Variants in SUMO3 observed in about 807,000 individuals in gnomAD.
SUMO3 encodes the protein small ubiquitin like modifier 3, also known as small ubiquitin-related modifier 3.
SUMO3 carries 2 observed loss-of-function variants against 11.1 expected under a neutral mutation model. The ratio of observed to expected loss-of-function variants is 0.18; its 90% CI spans 0.07 to 0.57. The LOEUF (loss-of-function observed/expected upper bound fraction) is 0.57, where lower values mean the gene tolerates loss of function less well. Among genes scored for constraint, SUMO3 ranks in the 20% least tolerant of loss-of-function variants. SUMO3 has a pLI of 0.92. For missense variants in SUMO3, 70 were observed against 132.8 expected (o/e 0.53, Z 2.32); for synonymous variants, 56 against 53.5 (o/e 1.05, Z -0.20).
intron 2 of SUMO3, among the ~76,000 whole-genome samples, chr21:44,813,302 G>A (rs2083223215): frequency 6.6e-6 from 1 of 152,176 alleles, no homozygotes; most frequent in Admixed American, 6.5e-5. Context: ...GGCAGCAGCT[G>A]GTGGGCAAAG....
At chr21:44,812,058 T>C (rs1419101612) in intron 2 of SUMO3, among the ~76,000 whole-genome samples, 1 of 123,030 alleles carries the variant, frequency 8.1e-6, no homozygotes, top group East Asian at 2.2e-4. Flanking sequence ...CTCACCTTTT[T>C]TTTTTTTTTT....
At chr21:44,816,873 A>G (rs1339606770) in intron 1 of SUMO3, among the ~76,000 whole-genome samples, 2 of 16,202 alleles carry the variant, frequency 1.2e-4, no homozygotes, top group African/African-American at 2.4e-4. Context: ...CGTGATAGGG[A>G]GGGGTGGGCA....
At chr21:44,809,368 C>T (rs973080403) in intron 2 of SUMO3, among the ~76,000 whole-genome samples, 5 of 152,230 alleles carry the variant, frequency 3.3e-5, no homozygotes, top group Non-Finnish European at 7.3e-5. Flanking sequence ...GTGCCTGACA[C>T]CACTGCTTTC....
chr21:44,809,235 TC>T (rs2083196225), intron 2 of SUMO3, 117 bp from the exon 3 acceptor site: 3 of 957,958 alleles, frequency 3.1e-6, no homozygotes, highest in Non-Finnish European at 4.9e-6. Context: ...ATTAAACATT[TC>T]CAGATACGGC....
intron 2 of SUMO3, among the ~76,000 whole-genome samples, chr21:44,809,647 C>T (rs1167415229): frequency 2.0e-5 from 3 of 152,206 alleles, no homozygotes; most frequent in South Asian, 2.1e-4. Flanking sequence ...GGTGAGGAAG[C>T]GTAACACGTC....
In SUMO3 at chr21:44,806,697, A is replaced by C; in HGVS notation, c.*254T>G. The C allele has an allele frequency of 1.1e-6, 1 of 902,442 alleles. No homozygotes were observed. Among genetic ancestry groups the C allele is most frequent in the Non-Finnish European group, 1.5e-6 (1 of 645,754 alleles). 55.9% of individuals were successfully genotyped at this position (902,442 alleles called of 1,614,324 possible). A position where few individuals can be genotyped will look rare whatever the true frequency, so the allele number is the denominator to read the frequency against. On this transcript the variant is annotated 3_prime_UTR_variant, in exon 4 of 4. Coordinates refer to ENST00000332859, the MANE Select transcript of SUMO3 (RefSeq NM_006936.3). Reference sequence around the variant, plus strand: ...GGAGGGGGGGAAAACACAAATGAGCACACAAAAGTACCCACAATATCTTGC... The same window carrying C: ...GGAGGGGGGGAAAACACAAATGAGCCCACAAAAGTACCCACAATATCTTGC...
At position 44,811,990 on chromosome 21, in the gene SUMO3, C is replaced by A. The variant is rs1299365653; in HGVS notation, c.150+1986G>T. On this transcript the variant is annotated intron_variant, in intron 2 of 3. Coordinates refer to ENST00000332859, the MANE Select transcript of SUMO3 (RefSeq NM_006936.3). The surrounding 1 kb of genome is among the most constrained non-coding windows in gnomAD (Gnocchi z 5.0). ...GAATGCCAGAATATGGTCCCAGATA[C>A]TTCCAGGGAAAAACCAAGTTACAAA... is the stretch of plus-strand genomic sequence containing the variant. Among the ~76,000 whole-genome samples the A allele has an allele frequency of 1.3e-5, 2 of 151,130 alleles. No homozygotes were observed. Among genetic ancestry groups the A allele is most frequent in the Non-Finnish European group, 2.9e-5 (2 of 67,932 alleles).
chr21:44,806,582 G>C lies in SUMO3; in HGVS notation c.*369C>G. ...ATTCTCTATGTGACTGGAGTGAGCA[G>C]GGGAGAGGCAACCAACTCAGGAGTC... On this transcript the variant is annotated 3_prime_UTR_variant, in exon 4 of 4. Coordinates refer to ENST00000332859, the MANE Select transcript of SUMO3 (RefSeq NM_006936.3). 1 of 279,006 alleles carries C rather than the reference G, an allele frequency of 3.6e-6. No individual in the cohort carries two copies. Among genetic ancestry groups the C allele is most frequent in the Non-Finnish European group, 7.0e-6 (1 of 142,728 alleles). The allele number at this position is 279,006 out of a possible 1,614,324, so 17.3% of individuals were successfully genotyped here.
chr21:44,808,429 C>A (rs962249698), intron 3 of SUMO3: 31 of 1,224,378 alleles, frequency 2.5e-5, no homozygotes, highest in Non-Finnish European at 3.4e-5. Flanking sequence ...AGGAGAATGG[C>A]GTGAACTCAG....
intron 2 of SUMO3, among the ~76,000 whole-genome samples, chr21:44,812,540 C>G (rs1238464175): frequency 6.6e-6 from 1 of 152,236 alleles, no homozygotes; most frequent in Admixed American, 6.5e-5. Flanking sequence ...CTCAAAGACG[C>G]TGCCCTTCTG....
Position 44,810,841 on chromosome 21 carries a change from G to A in SUMO3, c.151-1723C>T, listed in dbSNP as rs559458202. 3.3e-5 allele frequency among the ~76,000 whole-genome samples: 5 copies of A among 150,006 alleles called. No individual in the cohort carries two copies. In the South Asian group the frequency reaches 8.4e-4, roughly 25 times the overall value. ...AAGGCTCACTGTGCAGCAGCCTAGAGAGGAGGGGAGGAGCGCAGAGGAGAA... is the reference window on the plus strand; with the variant it reads ...AAGGCTCACTGTGCAGCAGCCTAGAAAGGAGGGGAGGAGCGCAGAGGAGAA... On this transcript the variant is annotated intron_variant, in intron 2 of 3. Transcript: ENST00000332859. The surrounding 1 kb of genome is among the most constrained non-coding windows in gnomAD (Gnocchi z 4.1).
At chr21:44,812,288 AC>A (rs1307899006) in intron 2 of SUMO3, among the ~76,000 whole-genome samples, 1 of 151,484 alleles carries the variant, frequency 6.6e-6, no homozygotes, top group Non-Finnish European at 1.5e-5. Context: ...TGAACTCCTG[AC>A]CTCAAGTCTT....
At chr21:44,812,420 A>G (rs2083217667) in intron 2 of SUMO3, among the ~76,000 whole-genome samples, 1 of 151,740 alleles carries the variant, frequency 6.6e-6, no homozygotes, top group African/African-American at 2.4e-5. Context: ...CTCATGGCTG[A>G]CCTCTGAAAT....
chr21:44,809,641 A>G (rs766420873), intron 2 of SUMO3, among the ~76,000 whole-genome samples: 18 of 152,252 alleles, frequency 1.2e-4, no homozygotes, highest in Non-Finnish European at 2.1e-4. Flanking sequence ...AACCCAGGTG[A>G]GGAAGCGTAA....
chr21:44,817,193 C>T (rs1405682564), intron 1 of SUMO3, among the ~76,000 whole-genome samples: 2 of 8,262 alleles, frequency 2.4e-4, no homozygotes, highest in East Asian at 3.6e-3. Flanking sequence ...GGGCGTACAC[C>T]GGGGGGCGCG....
chr21:44,808,309 G>C (rs181777960), intron 3 of SUMO3: 2 of 337,110 alleles, frequency 5.9e-6, no homozygotes, highest in Non-Finnish European at 1.1e-5. Context: ...TCAGGAGATC[G>C]AGACCATCCT....
chr21:44,818,061 G>A lies in SUMO3; in HGVS notation c.-93C>T. The A allele has an allele frequency of 1.9e-6, 2 of 1,029,068 alleles. No individual in the cohort carries two copies. Among genetic ancestry groups the A allele is most frequent in the Non-Finnish European group, 1.2e-6 (1 of 821,986 alleles). The allele number at this position is 1,029,068 out of a possible 1,614,324, so 63.7% of individuals were successfully genotyped here. A position where few individuals can be genotyped will look rare whatever the true frequency, so the allele number is the denominator to read the frequency against. On this transcript the variant is annotated 5_prime_UTR_variant, in exon 1 of 4. Coordinates refer to ENST00000332859, the MANE Select transcript of SUMO3 (RefSeq NM_006936.3). ...GCCCCGCCGCTCTCCCGCCGCAACT[G>A]TGCGCGGGGCCGCGCTTTATCCCCC...
chr21:44,806,749 C>G lies in SUMO3; in HGVS notation c.*202G>C, dbSNP rs929198047. The G allele has an allele frequency of 7.6e-7, 1 of 1,321,160 alleles. No individual in the cohort carries two copies. Among genetic ancestry groups the G allele is most frequent in the South Asian group, 1.6e-5 (1 of 60,966 alleles). The allele number at this position is 1,321,160 out of a possible 1,614,324, so 81.8% of individuals were successfully genotyped here. ...ACTCATTTTACCTGAACAAAGATAA[C>G]AATTCTGATTGGCCCAATTTAAGTT... On this transcript the variant is annotated 3_prime_UTR_variant, in exon 4 of 4. Transcript: ENST00000332859.
intron 1 of SUMO3, among the ~76,000 whole-genome samples, chr21:44,816,674 C>T (rs2083245338): frequency 6.6e-6 from 1 of 152,138 alleles, no homozygotes; most frequent in African/African-American, 2.4e-5. Flanking sequence ...AATGCGACTA[C>T]AGACCCTCCC....
Sources: gnomAD v4.1 joint callset for allele counts (sites outside exome capture counted in the v4.1 genomes callset) on GRCh38, gnomAD v4.1.1 for gene constraint, Gnocchi (gnomAD v3.1) non-coding constraint, MANE v1.5 for transcripts, NCBI Gene and HGNC (gene_info 2026-07-23, HGNC 2026-07-21) for gene names.